Variants in UHMK1 observed in about 807,000 individuals in gnomAD.
UHMK1 encodes U2AF homology motif kinase 1, also known as serine/threonine-protein kinase Kist.
UHMK1 carries 18 observed loss-of-function variants against 44.0 expected under a neutral mutation model. That is an observed-to-expected ratio of 0.41 (90% CI 0.28 to 0.61). The LOEUF (loss-of-function observed/expected upper bound fraction) is 0.61. Ranked by LOEUF, UHMK1 falls within the 20% of genes least tolerant of loss-of-function variation. The pLI is 0.31. For missense variants in UHMK1, 463 were observed against 522.5 expected (o/e 0.89, Z 1.11); for synonymous variants, 231 against 198.5 (o/e 1.16, Z -1.38).
intron 2 of UHMK1, 187 bp from the exon 3 acceptor site, chr1:162,500,726 G>A (rs1174754421): frequency 1.7e-6 from 1 of 586,398 alleles, no homozygotes; most frequent in East Asian, 2.8e-5. Flanking sequence ...ATATGGAAAT[G>A]TACAGCTTGC....
chr1:162,522,427 T>C lies in UHMK1; in HGVS notation c.1137T>C (p.Ala379=), dbSNP rs759449995. 6 of 1,614,188 alleles carry C rather than the reference T, an allele frequency of 3.7e-6. No individual in the cohort carries two copies. Among genetic ancestry groups the C allele is most frequent in the Non-Finnish European group, 5.1e-6 (6 of 1,180,030 alleles). ...AGGTCTTTGTTGAGTATGCAAATGC[T>C]GGTGATTCCAAAGCTGCGCAGAAAT... The part of the protein sequence containing the change: ...RGQVFVEYAN[A]GDSKAAQKLL... The change falls in exon 8 of 8, where the codon GCT becomes GCC. Residue 379 remains alanine, a synonymous_variant. Coordinates refer to ENST00000489294, the MANE Select transcript of UHMK1 (RefSeq NM_175866.5).
In UHMK1 at chr1:162,512,306, T is replaced by C. The variant is rs937561813; in HGVS notation, c.849-194T>C. 5.3e-5 allele frequency among the ~76,000 whole-genome samples: 8 copies of C among 152,172 alleles called. No individual in the cohort carries two copies. The East Asian group carries it at 1.5e-3, about 29-fold the overall frequency. On this transcript the variant is annotated intron_variant, in intron 4 of 7. Coordinates refer to ENST00000489294, the MANE Select transcript of UHMK1 (RefSeq NM_175866.5). ...AGTGTTATTTTAAATCACAGTATAA[T>C]GTCATAGGTATGTATCATGAATTAC...
chr1:162,506,372 A>G (rs1187745994), intron 4 of UHMK1, among the ~76,000 whole-genome samples: 1 of 152,122 alleles, frequency 6.6e-6, no homozygotes, highest in Non-Finnish European at 1.5e-5. Flanking sequence ...TGCATTATAT[A>G]TGCATGCAAG....
Position 162,526,165 on chromosome 1 carries a change from T to C in UHMK1, c.*3615T>C, listed in dbSNP as rs891838610. 6.6e-6 allele frequency: 1 copy of C among 152,178 alleles called. No individual in the cohort carries two copies. The highest frequency in any genetic ancestry group is 2.4e-5 in the African/African-American group (1 of 41,452). 9.4% of individuals were successfully genotyped at this position (152,178 alleles called of 1,614,324 possible). A position where few individuals can be genotyped will look rare whatever the true frequency, so the allele number is the denominator to read the frequency against. On this transcript the variant is annotated 3_prime_UTR_variant, in exon 8 of 8. Coordinates refer to ENST00000489294, the MANE Select transcript of UHMK1 (RefSeq NM_175866.5). ...GTTTCATGGCTTGTTTTAGTTAATT[T>C]ATCATGCAGATAACTAACATTTGGG...
chr1:162,509,204 T>C (rs1360945453), intron 4 of UHMK1, among the ~76,000 whole-genome samples: 2 of 152,218 alleles, frequency 1.3e-5, no homozygotes, highest in Non-Finnish European at 2.9e-5. Context: ...TTTTGTATAA[T>C]ATTCCCCAAA....
intron 6 of UHMK1, among the ~76,000 whole-genome samples, chr1:162,515,673 C>A (rs943696326): frequency 6.6e-6 from 1 of 152,200 alleles, no homozygotes; most frequent in African/African-American, 2.4e-5. Context: ...TTTTAGTCTT[C>A]GTCTTTGTAA....
At chr1:162,518,812 C>G (rs1160214819) in intron 7 of UHMK1, among the ~76,000 whole-genome samples, 1 of 151,416 alleles carries the variant, frequency 6.6e-6, no homozygotes, top group Non-Finnish European at 1.5e-5. Context: ...CATGGTGAAC[C>G]CTTTTCTCTA....
Position 162,522,516 on chromosome 1 carries a change from A to G in UHMK1, c.1226A>G (p.Tyr409Cys), listed in dbSNP as rs1439877640. The change falls in exon 8 of 8, where the codon TAC (tyrosine) becomes TGC (cysteine). Residue 409 changes from tyrosine to cysteine, a missense_variant. Tyr to Cys is a radical substitution (Grantham distance 194, BLOSUM62 -2). Transcript: ENST00000489294. Reference sequence around the variant, plus strand: ...GCTACATTCTACCCGCTGAGTGCCTACAAGAGGGGATATCTGTATCAAACC... The same window carrying G: ...GCTACATTCTACCCGCTGAGTGCCTGCAAGAGGGGATATCTGTATCAAACC... ...VVATFYPLSAYKRGYLYQTLL is the reference protein window; with the variant it reads ...VVATFYPLSACKRGYLYQTLL 1 of 1,614,210 alleles carries G rather than the reference A, an allele frequency of 6.2e-7. No individual in the cohort carries two copies. The highest frequency in any genetic ancestry group is 8.5e-7 in the Non-Finnish European group (1 of 1,180,028).
chr1:162,516,659 T>C (rs939522616), intron 6 of UHMK1, among the ~76,000 whole-genome samples: 3 of 152,018 alleles, frequency 2.0e-5, no homozygotes, highest in African/African-American at 4.8e-5. Flanking sequence ...AGACAAAGGA[T>C]AGTTTAAAGA....
At chr1:162,511,311 T>C (rs1335942427) in intron 4 of UHMK1, among the ~76,000 whole-genome samples, 3 of 149,838 alleles carry the variant, frequency 2.0e-5, no homozygotes, top group African/African-American at 7.4e-5. Flanking sequence ...GAACTACAGA[T>C]GCATGCCACC....
intron 7 of UHMK1, 145 bp downstream of exon 7, chr1:162,518,335 G>T: frequency 1.7e-6 from 1 of 572,814 alleles, no homozygotes; most frequent in Non-Finnish European, 3.1e-6. Flanking sequence ...ATTCTGACTT[G>T]TACTTTTTAC....
In UHMK1 at chr1:162,522,514, C is replaced by T; in HGVS notation, c.1224C>T (p.Ala408=). 1 of 1,614,180 alleles carries T rather than the reference C, an allele frequency of 6.2e-7. No homozygotes were observed. Among genetic ancestry groups the T allele is most frequent in the Non-Finnish European group, 8.5e-7 (1 of 1,180,030 alleles). The change falls in exon 8 of 8, where the codon GCC becomes GCT. Residue 408 remains alanine, a synonymous_variant. Transcript: ENST00000489294. ...TGGCTACATTCTACCCGCTGAGTGC[C>T]TACAAGAGGGGATATCTGTATCAAA... ...FVVATFYPLS[A]YKRGYLYQTL...
At chr1:162,512,628 G>T in intron 5 of UHMK1, 52 bp downstream of exon 5, 2 of 1,602,400 alleles carry the variant, frequency 1.2e-6, no homozygotes, top group Middle Eastern at 1.7e-4. Context: ...AGTCATACAA[G>T]ACATCAGCAC....
chr1:162,497,796 T>G, upstream of UHMK1: 1 of 1,324,462 alleles, frequency 7.6e-7, no homozygotes, highest in Non-Finnish European at 9.6e-7. Context: ...TATGATAGGC[T>G]CTTCCTCCAT....
Position 162,525,548 on chromosome 1 carries a change from C to T in UHMK1, c.*2998C>T, listed in dbSNP as rs1358236160. 6.6e-6 allele frequency: 1 copy of T among 152,102 alleles called. No individual in the cohort carries two copies. The highest frequency in any genetic ancestry group is 2.4e-5 in the African/African-American group (1 of 41,418). 9.4% of individuals were successfully genotyped at this position (152,102 alleles called of 1,614,324 possible). On this transcript the variant is annotated 3_prime_UTR_variant, in exon 8 of 8. Coordinates refer to ENST00000489294, the MANE Select transcript of UHMK1 (RefSeq NM_175866.5). The stretch of plus-strand genomic sequence containing the variant: ...TATTTGGAGGGGGTAGCTAGCTAGC[C>T]ACTGTCAAAACTAATGCTGTATTTA...
At chr1:162,512,369 G>C in intron 4 of UHMK1, 131 bp from the exon 5 acceptor site, 3 of 710,068 alleles carry the variant, frequency 4.2e-6, no homozygotes, top group East Asian at 2.6e-5. Flanking sequence ...GTATTTATAA[G>C]TGAATGATTC....
chr1:162,520,770 G>A (rs1249654511), intron 7 of UHMK1, among the ~76,000 whole-genome samples: 2 of 152,118 alleles, frequency 1.3e-5, no homozygotes, highest in Non-Finnish European at 2.9e-5. Flanking sequence ...GAGTGAGCTG[G>A]GTAGAGTATT....
Position 162,522,504 on chromosome 1 carries a change from C to G in UHMK1, c.1214C>G (p.Pro405Arg). Residue 405 changes from proline to arginine, a missense_variant, in exon 8 of 8, where the codon CCG (proline) becomes CGG (arginine). Pro to Arg is a moderately radical substitution (Grantham distance 103). Transcript: ENST00000489294. The stretch of plus-strand genomic sequence containing the variant: ...AAGTTTGTTGTGGCTACATTCTACC[C>G]GCTGAGTGCCTACAAGAGGGGATAT... ...DGKFVVATFYPLSAYKRGYLY... is the reference protein window; with the variant it reads ...DGKFVVATFYRLSAYKRGYLY... The G allele has an allele frequency of 1.2e-6, 2 of 1,614,132 alleles. No individual in the cohort carries two copies. Among genetic ancestry groups the G allele is most frequent in the Non-Finnish European group, 8.5e-7 (1 of 1,180,012 alleles).
rs201944832 is a variant in UHMK1 at position 162,512,766 on chromosome 1, C to T, written c.967C>T (p.Leu323=). The T allele has an allele frequency of 6.8e-6, 11 of 1,614,096 alleles. No homozygotes were observed. Among genetic ancestry groups the T allele is most frequent in the Non-Finnish European group, 9.3e-6 (11 of 1,180,010 alleles). The part of the protein sequence containing the change: ...EDLVMLPTPV[L]RLLNVLDDDY... Reference sequence around the variant, plus strand: ...TCTGGTCATGCTTCCCACTCCAGTGCTAAGACTGCTGAATGTGCTGGATGA... The same window carrying T: ...TCTGGTCATGCTTCCCACTCCAGTGTTAAGACTGCTGAATGTGCTGGATGA... Residue 323 remains leucine (L), a synonymous_variant, in exon 6 of 8, where the codon CTA becomes TTA. Coordinates refer to ENST00000489294, the MANE Select transcript of UHMK1 (RefSeq NM_175866.5).
Sources: allele counts gnomAD v4.1 joint callset (sites outside exome capture counted in the v4.1 genomes callset), GRCh38; gene constraint gnomAD v4.1.1; transcripts MANE v1.5; gene names NCBI Gene and HGNC (gene_info 2026-07-23, HGNC 2026-07-21).